Variants in HMGB2 observed in about 807,000 individuals in gnomAD.
The protein encoded by HMGB2 is high mobility group box 2.
In HMGB2, 2 loss-of-function variants were observed where a neutral mutation model predicts 23.0. The ratio of observed to expected loss-of-function variants is 0.09; its 90% CI spans 0.04 to 0.27. The LOEUF is 0.27. Ranked by LOEUF, HMGB2 falls within the 10% of genes least tolerant of loss-of-function variation. The pLI is 1.00. For missense variants in HMGB2, 178 were observed against 256.5 expected (o/e 0.69, Z 2.09); for synonymous variants, 99 against 87.5 (o/e 1.13, Z -0.73).
In HMGB2 at chr4:173,333,592, C is replaced by T. The variant is rs1316035043; in HGVS notation, c.58G>A (p.Val20Met). 2 of 1,614,102 alleles carry T rather than the reference C, an allele frequency of 1.2e-6. No individual in the cohort carries two copies. Among genetic ancestry groups the T allele is most frequent in the East Asian group, 2.2e-5 (1 of 44,856 alleles). Residue 20 changes from valine (V) to methionine (M), a missense_variant, in exon 2 of 5, where the codon GTG (valine) becomes ATG (methionine). Val to Met is a conservative substitution (Grantham distance 21, BLOSUM62 1). This residue lies in a region of HMGB2 where 90 missense variants were observed against 114.4 expected (regional missense o/e 0.79). Transcript: ENST00000296503. The surrounding 1 kb of genome is among the most constrained non-coding windows in gnomAD (Gnocchi z 4.6). Reference sequence around the variant, plus strand: ...TTGTGCTCTTCCCGGCAGGTCTGCACGAAGAAGGCGTACGAGGACATTTTG... The same window carrying T: ...TTGTGCTCTTCCCGGCAGGTCTGCATGAAGAAGGCGTACGAGGACATTTTG... ...RGKMSSYAFF[V>M]QTCREEHKKK...
At chr4:173,332,741 TTAAC>T in intron 4 of HMGB2, 76 bp downstream of exon 4, 1 of 1,245,414 alleles carries the variant, frequency 8.0e-7, no homozygotes, top group East Asian at 2.3e-5. Context: ...TAATACAAGA[TTAAC>T]TAAATTTCCC....
At position 173,333,800 on chromosome 4, in the gene HMGB2, C is replaced by T; in HGVS notation, c.-20-131G>A. On this transcript the variant is annotated intron_variant, in intron 1 of 4. Transcript: ENST00000296503. This position sits in a 1 kb window ranked among gnomAD's most constrained non-coding sequence, Gnocchi z 4.6. ...CGCCCTGCCCGCGCCCCCCTCCTCC[C>T]GAGGGCGTCCTCCCAAGGGCGGCCG... 2 of 557,972 alleles carry T rather than the reference C, an allele frequency of 3.6e-6. No homozygotes were observed. The highest frequency in any genetic ancestry group is 5.3e-6 in the Non-Finnish European group (2 of 374,154). 34.6% of individuals were successfully genotyped at this position (557,972 alleles called of 1,614,324 possible). A position where few individuals can be genotyped will look rare whatever the true frequency, so the allele number is the denominator to read the frequency against.
Position 173,333,646 on chromosome 4 carries a change from C to T in HMGB2, c.4G>A (p.Gly2Ser). The change falls in exon 2 of 5, where the codon GGT becomes AGT. Residue 2 changes from glycine to serine, a missense_variant. Physicochemically the swap from Gly to Ser is moderately conservative, Grantham distance 56. Around this residue, in one of 3 missense-constraint regions of HMGB2, gnomAD observed 90 missense variants for 114.4 expected, o/e 0.79. Coordinates refer to ENST00000296503, the MANE Select transcript of HMGB2 (RefSeq NM_002129.4). The surrounding 1 kb of genome is among the most constrained non-coding windows in gnomAD (Gnocchi z 4.6). The stretch of plus-strand genomic sequence containing the variant: ...CGCGGCTTGTTGGGGTCTCCTTTAC[C>T]CATGTTGACAGATCCGCGTCCACCT... MGKGDPNKPRGK... is the reference protein window; with the variant it reads MSKGDPNKPRGK... 1 of 1,610,310 alleles carries T rather than the reference C, an allele frequency of 6.2e-7. No individual in the cohort carries two copies. Among genetic ancestry groups the T allele is most frequent in the East Asian group, 2.3e-5 (1 of 44,398 alleles).
intron 4 of HMGB2, 66 bp downstream of exon 4, chr4:173,332,755 C>T (rs752718162): frequency 5.7e-6 from 8 of 1,394,352 alleles, no homozygotes; most frequent in Non-Finnish European, 9.9e-7. Flanking sequence ...CTAAATTTCC[C>T]AGGTTTTCTA....
chr4:173,332,410 C>T (rs962586691), intron 4 of HMGB2, 172 bp from the exon 5 acceptor site: 10 of 569,592 alleles, frequency 1.8e-5, no homozygotes, highest in Admixed American at 7.0e-5. Flanking sequence ...AAGTTAATGA[C>T]GTAAAATGAC....
chr4:173,332,485 C>T, intron 4 of HMGB2: 1 of 511,150 alleles, frequency 2.0e-6, no homozygotes, highest in Non-Finnish European at 3.4e-6. Context: ...ACACACAGTG[C>T]CATAGTCCCT....
At position 173,334,289 on chromosome 4, in the gene HMGB2, TCA is replaced by T. The variant is rs530329809; in HGVS notation, c.-40_-39del. 5 of 152,486 alleles carry T rather than the reference TCA, an allele frequency of 3.3e-5. No homozygotes were observed. Among genetic ancestry groups the T allele is most frequent in the African/African-American group, 1.2e-4 (5 of 41,558 alleles). The allele number at this position is 152,486 out of a possible 1,614,324, so 9.4% of individuals were successfully genotyped here. A position where few individuals can be genotyped will look rare whatever the true frequency, so the allele number is the denominator to read the frequency against. On this transcript the variant is annotated 5_prime_UTR_variant, in exon 1 of 5. Coordinates refer to ENST00000296503, the MANE Select transcript of HMGB2 (RefSeq NM_002129.4). ...ATTCTTGCCTGGTGCGAGCTTTTCC[TCA>T]GAGTCCCGCAGAGCGGCCGGACCCA...
intron 4 of HMGB2, 57 bp from the exon 5 acceptor site, chr4:173,332,295 C>T: frequency 1.5e-6 from 2 of 1,297,710 alleles, no homozygotes; most frequent in Non-Finnish European, 2.1e-6. Context: ...TGTGAAAAAC[C>T]ACTTAGTTGT....
Position 173,333,580 on chromosome 4 carries a change from G to A in HMGB2, c.70C>T (p.Arg24Trp). Residue 24 changes from arginine to tryptophan, a missense_variant, in exon 2 of 5, where the codon CGG (arginine) becomes TGG (tryptophan). Transcript: ENST00000296503. The surrounding 1 kb of genome is among the most constrained non-coding windows in gnomAD (Gnocchi z 4.6). ...SSYAFFVQTC[R>W]EEHKKKHPDS... ...GGGTGTTTCTTCTTGTGCTCTTCCC[G>A]GCAGGTCTGCACGAAGAAGGCGTAC... 3.7e-6 allele frequency: 6 copies of A among 1,614,132 alleles called. No individual in the cohort carries two copies. Among genetic ancestry groups the A allele is most frequent in the Non-Finnish European group, 5.1e-6 (6 of 1,179,994 alleles).
chr4:173,333,856 C>CCCTCCTCCT lies in HMGB2; in HGVS notation c.-20-196_-20-188dup, dbSNP rs532000010. 6.6e-6 allele frequency among the ~76,000 whole-genome samples: 1 copy of CCCTCCTCCT among 151,328 alleles called. No homozygotes were observed. Among genetic ancestry groups the CCCTCCTCCT allele is most frequent in the Admixed American group, 6.6e-5 (1 of 15,234 alleles). On this transcript the variant is annotated intron_variant, in intron 1 of 4. Coordinates refer to ENST00000296503, the MANE Select transcript of HMGB2 (RefSeq NM_002129.4). The surrounding 1 kb of genome is among the most constrained non-coding windows in gnomAD (Gnocchi z 4.6). ...GCCCCCGCCCGCGCCCCGGCGCACA[C>CCCTCCTCCT]CCTCCTCCTCCTCCTCCTCCCGGCC...
rs774125105 is a variant in HMGB2, at chr4:173,333,683, G to A, written c.-20-14C>T. ...ATCCGCGTCCACCTGACGGGGCCGA[G>A]GGGGGAGAGGGGAAGCCGGAGGGTC... On this transcript the variant is annotated splice_polypyrimidine_tract_variant and intron_variant, in intron 1 of 4. Coordinates refer to ENST00000296503, the MANE Select transcript of HMGB2 (RefSeq NM_002129.4). The surrounding 1 kb of genome is among the most constrained non-coding windows in gnomAD (Gnocchi z 4.6). 3.3e-5 allele frequency: 51 copies of A among 1,564,394 alleles called. No individual in the cohort carries two copies. Among genetic ancestry groups the A allele is most frequent in the East Asian group, 2.4e-5 (1 of 41,832 alleles).
chr4:173,332,664 T>C, intron 4 of HMGB2, 157 bp downstream of exon 4: 1 of 679,244 alleles, frequency 1.5e-6, no homozygotes, highest in South Asian at 1.9e-5. Flanking sequence ...AAAAGGAAGG[T>C]TTCAATTACC....
Position 173,332,164 on chromosome 4 carries a change from CTTT to C in HMGB2, c.543_545del (p.Lys184del), listed in dbSNP as rs1560809477. 1.2e-6 allele frequency: 2 copies of C among 1,613,694 alleles called. No homozygotes were observed. Among genetic ancestry groups the C allele is most frequent in the South Asian group, 1.1e-5 (1 of 91,046 alleles). ...CCTCATCTTCTGGTTCGTTCTTCTT[CTTT>C]GAGCCTGTTGGCCTGCCAGGGCCCT... On this transcript the variant is annotated inframe_deletion, in exon 5 of 5. Transcript: ENST00000296503.
Position 173,333,158 on chromosome 4 carries a change from A to G in HMGB2, c.207T>C (p.Ala69=), listed in dbSNP as rs746887319. ...AATTTTTCATCTCCCTGTCATAGCG[A>G]GCTTTGTCACTTTTTGCCATATCTT... The part of the protein sequence containing the change: ...KFEDMAKSDK[A]RYDREMKNYV... The change falls in exon 3 of 5, where the codon GCT becomes GCC. Residue 69 remains alanine, a synonymous_variant. Coordinates refer to ENST00000296503, the MANE Select transcript of HMGB2 (RefSeq NM_002129.4). This position sits in a 1 kb window ranked among gnomAD's most constrained non-coding sequence, Gnocchi z 4.6. 5.8e-5 allele frequency: 94 copies of G among 1,613,956 alleles called. No homozygotes were observed. The highest frequency in any genetic ancestry group is 6.9e-5 in the Non-Finnish European group (82 of 1,179,998).
chr4:173,333,432 C>A lies in HMGB2; in HGVS notation c.150+68G>T. On this transcript the variant is annotated intron_variant, in intron 2 of 4. Transcript: ENST00000296503. The surrounding 1 kb of genome is among the most constrained non-coding windows in gnomAD (Gnocchi z 4.6). The stretch of plus-strand genomic sequence containing the variant: ...TTGAAGCTCATGAGTTGCCTACTAC[C>A]TGCCTAAGGCCCTCCTAGCCGAAAA... 1 of 1,548,516 alleles carries A rather than the reference C, an allele frequency of 6.5e-7. No individual in the cohort carries two copies. Among genetic ancestry groups the A allele is most frequent in the Non-Finnish European group, 8.7e-7 (1 of 1,143,484 alleles).
At position 173,333,225 on chromosome 4, in the gene HMGB2, A is replaced by T; in HGVS notation, c.151-11T>A. On this transcript the variant is annotated splice_polypyrimidine_tract_variant and intron_variant, in intron 2 of 4. Transcript: ENST00000296503. This position sits in a 1 kb window ranked among gnomAD's most constrained non-coding sequence, Gnocchi z 4.6. Reference sequence around the variant, plus strand: ...CTTTGCAGACATGGTCTGTGGACATAAAATAAGAGCCAAAAATACAGCAAA... The same window carrying T: ...CTTTGCAGACATGGTCTGTGGACATTAAATAAGAGCCAAAAATACAGCAAA... 1.2e-6 allele frequency: 2 copies of T among 1,604,748 alleles called. No homozygotes were observed.
At chr4:173,334,135 G>T (rs1738188941) in intron 1 of HMGB2, 137 bp downstream of exon 1, 1 of 152,504 alleles carries the variant, frequency 6.6e-6, no homozygotes, top group Admixed American at 6.6e-5. Flanking sequence ...CACAGACCCA[G>T]CCCTCGCCGG....
rs758411528 is a variant in HMGB2 at position 173,333,605 on chromosome 4, C to T, written c.45G>A (p.Ser15=). The change falls in exon 2 of 5, where the codon TCG becomes TCA. Residue 15 remains serine, a synonymous_variant. Coordinates refer to ENST00000296503, the MANE Select transcript of HMGB2 (RefSeq NM_002129.4). This position sits in a 1 kb window ranked among gnomAD's most constrained non-coding sequence, Gnocchi z 4.6. ...GGCAGGTCTGCACGAAGAAGGCGTA[C>T]GAGGACATTTTGCCCCGCGGCTTGT... The part of the protein sequence containing the change: ...DPNKPRGKMS[S]YAFFVQTCRE... The T allele has an allele frequency of 6.2e-7, 1 of 1,613,994 alleles. No homozygotes were observed. Among genetic ancestry groups the T allele is most frequent in the African/African-American group, 1.3e-5 (1 of 74,932 alleles).
At position 173,333,555 on chromosome 4, in the gene HMGB2, G is replaced by T; in HGVS notation, c.95C>A (p.Pro32Gln). The T allele has an allele frequency of 6.2e-7, 1 of 1,614,186 alleles. No individual in the cohort carries two copies. Among genetic ancestry groups the T allele is most frequent in the Non-Finnish European group, 8.5e-7 (1 of 1,180,012 alleles). Residue 32 changes from proline to glutamine, a missense_variant, in exon 2 of 5, where the codon CCG (proline) becomes CAG (glutamine). Pro to Gln is a moderately conservative substitution (Grantham distance 76). Coordinates refer to ENST00000296503, the MANE Select transcript of HMGB2 (RefSeq NM_002129.4). The surrounding 1 kb of genome is among the most constrained non-coding windows in gnomAD (Gnocchi z 4.6). ...TCREEHKKKH[P>Q]DSSVNFAEFS... ...TTCCGCGAAATTGACGGAAGAGTCC[G>T]GGTGTTTCTTCTTGTGCTCTTCCCG...
Sources: allele counts gnomAD v4.1 joint callset (sites outside exome capture counted in the v4.1 genomes callset), GRCh38; gene constraint gnomAD v4.1.1; regional missense constraint gnomAD v4.1.1; non-coding constraint Gnocchi (gnomAD v3.1); transcripts MANE v1.5; gene names NCBI Gene and HGNC (gene_info 2026-07-23, HGNC 2026-07-21).